The following ACBD4 variants were observed in gnomAD, a reference collection of about 807,000 sequenced individuals.
The protein encoded by ACBD4 is acyl-CoA binding domain containing 4.
In ACBD4, 41 loss-of-function variants were observed where a neutral mutation model predicts 46.0. The observed-to-expected ratio is 0.89, with a 90% CI of 0.69 to 1.16. The LOEUF (loss-of-function observed/expected upper bound fraction) is 1.16. ACBD4 is among the 50% of genes most tolerant of loss of function. ACBD4 has a pLI of 0.00. For missense variants in ACBD4, 393 were observed against 399.5 expected (o/e 0.98, Z 0.14); for synonymous variants, 162 against 155.9 (o/e 1.04, Z -0.29).
upstream of ACBD4, among the ~76,000 whole-genome samples, chr17:45,133,811 G>T (rs555820502): frequency 6.6e-6 from 1 of 152,134 alleles, no homozygotes; most frequent in East Asian, 1.9e-4. Flanking sequence ...GATTACAGGC[G>T]TGAGCCACCG....
upstream of ACBD4, chr17:45,132,321 G>C: frequency 2.4e-6 from 3 of 1,242,330 alleles, no homozygotes; most frequent in Non-Finnish European, 3.0e-6. The surrounding 1 kb of genome is among the most constrained non-coding windows in gnomAD (Gnocchi z 4.6). Context: ...ACGGGAGAGC[G>C]ACCGGCGCCG....
intron 2 of ACBD4, 43 bp from the exon 3 acceptor site, chr17:45,136,457 C>A (rs2054840664): frequency 1.3e-6 from 2 of 1,592,464 alleles, no homozygotes; most frequent in Admixed American, 1.7e-5. Flanking sequence ...CCCCTTGGAG[C>A]TGGGAGTGAT....
chr17:45,132,588 G>A (rs1373153166), upstream of ACBD4: 1 of 264,980 alleles, frequency 3.8e-6, no homozygotes, highest in Non-Finnish European at 7.0e-6. The surrounding 1 kb of genome is among the most constrained non-coding windows in gnomAD (Gnocchi z 4.6). Flanking sequence ...AAGGGAAGGG[G>A]GCGGGGCCGG....
chr17:45,136,687 C>A lies in ACBD4; in HGVS notation c.210-5C>A. On this transcript the variant is annotated splice_polypyrimidine_tract_variant and splice_region_variant and intron_variant, in intron 3 of 9. Coordinates refer to ENST00000321854, the MANE Select transcript of ACBD4 (RefSeq NM_001135705.3). Reference sequence around the variant, plus strand: ...AGCAGCCCTCTCACAGCCCTCTGCCCCCAGGGACGCCTGGAACAGTCTGGG... The same window carrying A: ...AGCAGCCCTCTCACAGCCCTCTGCCACCAGGGACGCCTGGAACAGTCTGGG... The A allele has an allele frequency of 6.2e-7, 1 of 1,614,126 alleles. No individual in the cohort carries two copies. The highest frequency in any genetic ancestry group is 1.3e-5 in the African/African-American group (1 of 75,072).
At chr17:45,137,299 AG>A in intron 5 of ACBD4, 68 bp from the exon 6 acceptor site, 2 of 1,602,546 alleles carry the variant, frequency 1.2e-6, no homozygotes, top group African/African-American at 1.3e-5. Context: ...CATCACGAGT[AG>A]GGGCTTGATC....
At position 45,136,610 on chromosome 17, in the gene ACBD4, C is replaced by T. The variant is rs1345554276; in HGVS notation, c.199C>T (p.Arg67Ter). The change falls in exon 3 of 10, where the codon CGA (arginine) becomes TGA (stop). Residue 67 changes from arginine to a stop codon, truncating the protein, a stop_gained. Transcript: ENST00000321854. LOFTEE classifies it high-confidence loss of function. ...PRPGFWDPIGRYKWDAWNSLG... is the reference protein window; with the variant it reads ...PRPGFWDPIG ...GCCCGGGTTCTGGGACCCCATTGGA[C>T]GATATAAGTGGTGAGCTCCCTGCTG... 2 of 1,613,872 alleles carry T rather than the reference C, an allele frequency of 1.2e-6. No homozygotes were observed. The highest frequency in any genetic ancestry group is 8.5e-7 in the Non-Finnish European group (1 of 1,179,922).
At chr17:45,141,683 CACA>C (rs1356949183) in intron 9 of ACBD4, among the ~76,000 whole-genome samples, 5 of 152,196 alleles carry the variant, frequency 3.3e-5, no homozygotes, top group African/African-American at 9.6e-5. Flanking sequence ...CACAAAAAAC[CACA>C]ACATTTTGGA....
At position 45,137,803 on chromosome 17, in the gene ACBD4, T is replaced by C. The variant is rs1054086507; in HGVS notation, c.546T>C (p.Asp182=). Reference sequence around the variant, plus strand: ...ACCTGGACTCCGAGGTTTTCTGTGATTCCCTGGAGCAGCTGGAGCCTGAGC... The same window carrying C: ...ACCTGGACTCCGAGGTTTTCTGTGACTCCCTGGAGCAGCTGGAGCCTGAGC... ...PRDLDSEVFC[D]SLEQLEPELV... The change falls in exon 7 of 10, where the codon GAT becomes GAC. Residue 182 remains aspartate (D), a synonymous_variant. Coordinates refer to ENST00000321854, the MANE Select transcript of ACBD4 (RefSeq NM_001135705.3). 7 of 1,614,018 alleles carry C rather than the reference T, an allele frequency of 4.3e-6. No homozygotes were observed. The highest frequency in any genetic ancestry group is 5.9e-6 in the Non-Finnish European group (7 of 1,179,982).
rs2143984284 is a variant in ACBD4 at position 45,143,728 on chromosome 17, C to T, written c.*157C>T. Reference sequence around the variant, plus strand: ...GCAGCGCGGGGGGCAAATAAGACCCCACCCCTCCCTGCAGCTTCACAGGGA... The same window carrying T: ...GCAGCGCGGGGGGCAAATAAGACCCTACCCCTCCCTGCAGCTTCACAGGGA... On this transcript the variant is annotated 3_prime_UTR_variant, in exon 10 of 10. Transcript: ENST00000321854. 8.0e-7 allele frequency: 1 copy of T among 1,244,906 alleles called. No homozygotes were observed. The highest frequency in any genetic ancestry group is 1.1e-6 in the Non-Finnish European group (1 of 890,832). 77.1% of individuals were successfully genotyped at this position (1,244,906 alleles called of 1,614,324 possible). A position where few individuals can be genotyped will look rare whatever the true frequency, so the allele number is the denominator to read the frequency against.
In ACBD4 at chr17:45,136,862, A is replaced by C. The variant is rs759701916; in HGVS notation, c.294+86A>C. ...CTGACCCCCACTACGTTTCCTACAC[A>C]TGGACCCCCTCATGGGAATCACCAC... On this transcript the variant is annotated intron_variant, in intron 4 of 9. Coordinates refer to ENST00000321854, the MANE Select transcript of ACBD4 (RefSeq NM_001135705.3). 2.4e-4 allele frequency: 376 copies of C among 1,585,174 alleles called. 3 individuals carry two copies. The Middle Eastern group carries it at 3.8e-3, about 16-fold the overall frequency.
intron 9 of ACBD4, 145 bp downstream of exon 9, chr17:45,139,305 CAGG>C: frequency 1.1e-6 from 1 of 890,680 alleles, no homozygotes; most frequent in Non-Finnish European, 1.7e-6. Flanking sequence ...CTGCTACAGG[CAGG>C]AGGTGGGGGT....
upstream of ACBD4, among the ~76,000 whole-genome samples, chr17:45,134,496 G>A (rs2054660774): frequency 6.6e-6 from 1 of 152,204 alleles, no homozygotes; most frequent in African/African-American, 2.4e-5. Flanking sequence ...GATACAATAG[G>A]CCGGGCGCGG....
At chr17:45,135,565 C>T (rs560667996), upstream of ACBD4, 3 of 152,590 alleles carry the variant, frequency 2.0e-5, no homozygotes, top group East Asian at 1.9e-4. Flanking sequence ...TTTGCATGAT[C>T]TTGAAAGAGC....
At position 45,135,700 on chromosome 17, in the gene ACBD4, G is replaced by C. The variant is rs1382377931; in HGVS notation, c.-291G>C. On this transcript the variant is annotated 5_prime_UTR_variant, in exon 1 of 10. Coordinates refer to ENST00000321854, the MANE Select transcript of ACBD4 (RefSeq NM_001135705.3). ...GACCCCGGGGTCAGTAGGAAGCCGC[G>C]GGGTGGTGGCGAGAGAGGACCCAGG... The C allele has an allele frequency of 6.3e-6, 1 of 157,860 alleles. No homozygotes were observed. The highest frequency in any genetic ancestry group is 2.4e-5 in the African/African-American group (1 of 41,554). The allele number at this position is 157,860 out of a possible 1,614,324, so 9.8% of individuals were successfully genotyped here. A position where few individuals can be genotyped will look rare whatever the true frequency, so the allele number is the denominator to read the frequency against.
upstream of ACBD4, chr17:45,132,122 G>A: frequency 2.8e-6 from 3 of 1,056,954 alleles, no homozygotes; most frequent in Non-Finnish European, 3.6e-6. This position sits in a 1 kb window ranked among gnomAD's most constrained non-coding sequence, Gnocchi z 4.6. Context: ...CTGGCCCTCC[G>A]CCCCTAGCCA....
At chr17:45,131,668 T>G (rs1307520913), upstream of ACBD4, among the ~76,000 whole-genome samples, 2 of 152,222 alleles carry the variant, frequency 1.3e-5, no homozygotes, top group Non-Finnish European at 2.9e-5. Context: ...GATGTTCCAA[T>G]GAGCCACAGT....
chr17:45,134,904 T>C (rs1276307379), upstream of ACBD4, among the ~76,000 whole-genome samples: 1 of 151,032 alleles, frequency 6.6e-6, no homozygotes, highest in Admixed American at 6.6e-5. Context: ...TGTACCCATT[T>C]CCCCCCCTCC....
In ACBD4 at chr17:45,143,552, T is replaced by G. The variant is rs2055426663; in HGVS notation, c.899T>G (p.Phe300Cys). 1 of 1,614,068 alleles carries G rather than the reference T, an allele frequency of 6.2e-7. No individual in the cohort carries two copies. The highest frequency in any genetic ancestry group is 8.5e-7 in the Non-Finnish European group (1 of 1,179,988). ...GTCGTCCAGTGGCTCTTCCGAATGT[T>G]TCGGACCCAAAAGAGGTGACTGTCA... Reference protein sequence around the residue: ...PFVVQWLFRMFRTQKR With the variant: ...PFVVQWLFRMCRTQKR Residue 300 changes from phenylalanine (F) to cysteine (C), a missense_variant, in exon 10 of 10, where the codon TTT (phenylalanine) becomes TGT (cysteine). Around this residue, in one of 3 missense-constraint regions of ACBD4, gnomAD observed 308 missense variants for 301.8 expected, o/e 1.02. Coordinates refer to ENST00000321854, the MANE Select transcript of ACBD4 (RefSeq NM_001135705.3).
upstream of ACBD4, chr17:45,132,282 G>A (rs751222936): frequency 3.8e-5 from 49 of 1,274,018 alleles, no homozygotes; most frequent in Non-Finnish European, 4.9e-5. The surrounding 1 kb of genome is among the most constrained non-coding windows in gnomAD (Gnocchi z 4.6). Context: ...CGGGCCTCTT[G>A]GTGCCGCCAT....
Sources: allele counts gnomAD v4.1 joint callset (sites outside exome capture counted in the v4.1 genomes callset), GRCh38; gene constraint gnomAD v4.1.1; regional missense constraint gnomAD v4.1.1; non-coding constraint Gnocchi (gnomAD v3.1); transcripts MANE v1.5; gene names NCBI Gene and HGNC (gene_info 2026-07-23, HGNC 2026-07-21).